RAB3D: variants seen among roughly 807,000 people sequenced by gnomAD.
RAB3D encodes the protein ras-related protein Rab-3D.
Under a neutral mutation model 19.3 loss-of-function variants are expected in RAB3D, and 17 were observed. The ratio of observed to expected loss-of-function variants is 0.88; its 90% CI spans 0.60 to 1.32. RAB3D has a LOEUF of 1.32. RAB3D is among the 40% of genes most tolerant of loss of function. The probability of loss-of-function intolerance (pLI) is 0.00; values close to 1 mark genes in which losing one functional copy is unlikely to be tolerated. For missense variants in RAB3D, 223 were observed against 299.1 expected (o/e 0.75, Z 1.88); for synonymous variants, 103 against 119.9 (o/e 0.86, Z 0.92).
In RAB3D at chr19:11,337,375, C is replaced by A. The variant is rs779396568; in HGVS notation, c.25G>T (p.Ala9Ser). MASAGDTQ[A>S]GPRDAADQNF... is the part of the protein sequence containing the mutation. ...TGATCTGCTGCATCCCGTGGGCCTG[C>A]CTGGGTGTCTCCAGCTGATGCCATC... is the stretch of plus-strand genomic sequence containing the variant. Residue 9 changes from alanine to serine, a missense_variant, in exon 2 of 5, where the codon GCA becomes TCA. Physicochemically the swap from Ala to Ser is moderately conservative, Grantham distance 99. Coordinates refer to ENST00000222120, the MANE Select transcript of RAB3D (RefSeq NM_004283.4). 270 of 1,613,934 alleles carry A rather than the reference C, an allele frequency of 1.7e-4. No homozygotes were observed. Among genetic ancestry groups the A allele is most frequent in the Non-Finnish European group, 2.2e-4 (254 of 1,179,930 alleles).
chr19:11,331,939 G>A (rs1039065944), intron 4 of RAB3D, among the ~76,000 whole-genome samples: 1 of 152,120 alleles, frequency 6.6e-6, no homozygotes, highest in Non-Finnish European at 1.5e-5. Context: ...GTATTTTGGG[G>A]GAATAGATGA....
At chr19:11,328,456 G>A (rs919049045) in intron 4 of RAB3D, among the ~76,000 whole-genome samples, 1 of 151,732 alleles carries the variant, frequency 6.6e-6, no homozygotes, top group Non-Finnish European at 1.5e-5. Flanking sequence ...TCGAGACCAG[G>A]GCCAATACGG....
rs1423344029 is a variant in RAB3D at position 11,335,651 on chromosome 19, C to G, written c.347+14G>C. 1 of 1,613,890 alleles carries G rather than the reference C, an allele frequency of 6.2e-7. No homozygotes were observed. Among genetic ancestry groups the G allele is most frequent in the Admixed American group, 1.7e-5 (1 of 60,018 alleles). On this transcript the variant is annotated intron_variant, in intron 3 of 4. Transcript: ENST00000222120. ...AGGGCAAAGATCAGGGGTCCATGAT[C>G]AGCAAGCACTCACCAGTCCTGCACA... is the stretch of plus-strand genomic sequence containing the variant.
At chr19:11,328,071 C>T (rs761612823) in intron 4 of RAB3D, among the ~76,000 whole-genome samples, 7 of 151,890 alleles carry the variant, frequency 4.6e-5, no homozygotes, top group Admixed American at 1.3e-4. Context: ...TGGTGGTTCA[C>T]GCCTGTAATA....
Position 11,325,458 on chromosome 19 carries a change from G to A in RAB3D, c.600C>T (p.Asn200=), listed in dbSNP as rs749490015. 2.8e-5 allele frequency: 45 copies of A among 1,611,448 alleles called. No homozygotes were observed. The highest frequency in any genetic ancestry group is 1.8e-4 in the Middle Eastern group (1 of 5,710). The part of the protein sequence containing the change: ...SLEPSSSSGS[N]GKGPAVGDAP... ...CATCCCCCACGGCCGGGCCTTTCCC[G>A]TTGCTGCCTGAGCTGGAGCTGGGTT... is the stretch of plus-strand genomic sequence containing the variant. The change falls in exon 5 of 5, where the codon AAC becomes AAT. Residue 200 remains asparagine (N), a synonymous_variant. Transcript: ENST00000222120.
Position 11,337,847 on chromosome 19 carries a change from T to A in RAB3D, c.-61-387A>T, listed in dbSNP as rs188685913. On this transcript the variant is annotated intron_variant, in intron 1 of 4. Transcript: ENST00000222120. ...CCACATCAGGCTAATTTAAAAAAAA[T>A]TTTTTTGTAGAGATGGGGTCTCATT... Among the ~76,000 whole-genome samples the A allele has an allele frequency of 2.4e-3, 367 of 151,958 alleles. 1 individual carries two copies. The highest frequency in any genetic ancestry group is 6.5e-3 in the African/African-American group (268 of 41,428).
chr19:11,330,642 C>T (rs958749548), intron 4 of RAB3D, among the ~76,000 whole-genome samples: 33 of 152,148 alleles, frequency 2.2e-4, no homozygotes, highest in African/African-American at 7.7e-4. Context: ...CTCTGCCTCC[C>T]AGGTTCAAGC....
chr19:11,328,252 T>C (rs1460705146), intron 4 of RAB3D, among the ~76,000 whole-genome samples: 1 of 148,504 alleles, frequency 6.7e-6, no homozygotes, highest in East Asian at 2.0e-4. Context: ...GAGGATCACT[T>C]GAACCTGGGA....
chr19:11,327,917 A>G (rs139748136), intron 4 of RAB3D, among the ~76,000 whole-genome samples: 8 of 152,260 alleles, frequency 5.3e-5, no homozygotes, highest in Non-Finnish European at 1.0e-4. Context: ...ACTAGAAACT[A>G]CAGAAAAGTA....
rs569223221 is a variant in RAB3D, at chr19:11,325,561, G to C, written c.497C>G (p.Ala166Gly). 8 of 1,612,324 alleles carry C rather than the reference G, an allele frequency of 5.0e-6. No homozygotes were observed. In the South Asian group the frequency reaches 7.7e-5, roughly 15 times the overall value. The change falls in exon 5 of 5, where the codon GCC becomes GGC. Residue 166 changes from alanine to glycine, a missense_variant. By Grantham distance (60) the Ala-to-Gly change is moderately conservative. Coordinates refer to ENST00000222120, the MANE Select transcript of RAB3D (RefSeq NM_004283.4). ...CTGCTTCACATTGATGTTCTCCTTGGCACTGGCTTCAAAGAACTCGAAACC... is the reference window on the plus strand; with the variant it reads ...CTGCTTCACATTGATGTTCTCCTTGCCACTGGCTTCAAAGAACTCGAAACC... ...DLGFEFFEAS[A>G]KENINVKQVF...
Position 11,325,594 on chromosome 19 carries a change from A to G in RAB3D, c.473-9T>C. The G allele has an allele frequency of 6.3e-7, 1 of 1,586,738 alleles. No individual in the cohort carries two copies. The highest frequency in any genetic ancestry group is 8.5e-7 in the Non-Finnish European group (1 of 1,171,148). Reference sequence around the variant, plus strand: ...TTCAAAGAACTCGAAACCTGGATGAATGTTAAGGTGGGGACACTCGTAAGA... The same window carrying G: ...TTCAAAGAACTCGAAACCTGGATGAGTGTTAAGGTGGGGACACTCGTAAGA... On this transcript the variant is annotated splice_polypyrimidine_tract_variant and intron_variant, in intron 4 of 4. Transcript: ENST00000222120.
At position 11,332,937 on chromosome 19, in the gene RAB3D, C is replaced by A. The variant is rs1252046986; in HGVS notation, c.472+2510G>T. Among the ~76,000 whole-genome samples, 4 of 152,064 alleles carry A rather than the reference C, an allele frequency of 2.6e-5. No individual in the cohort carries two copies. The East Asian group carries it at 7.7e-4, about 29-fold the overall frequency. On this transcript the variant is annotated intron_variant, in intron 4 of 4. Transcript: ENST00000222120. ...AAAGAAATATATGTAAAAATGACTG[C>A]TGCAGCTGCATTTGTCAGAGGAAAA...
Position 11,337,331 on chromosome 19 carries a change from G to A in RAB3D, c.69C>T (p.Phe23=), listed in dbSNP as rs1283374428. 1 of 1,614,194 alleles carries A rather than the reference G, an allele frequency of 6.2e-7. No homozygotes were observed. The highest frequency in any genetic ancestry group is 1.7e-5 in the Admixed American group (1 of 59,996). Residue 23 remains phenylalanine, a synonymous_variant, in exon 2 of 5, where the codon TTC becomes TTT. Coordinates refer to ENST00000222120, the MANE Select transcript of RAB3D (RefSeq NM_004283.4). The part of the protein sequence containing the change: ...DAADQNFDYM[F]KLLLIGNSSV... ...TGCTGTTGCCTATCAGTAGCAGTTT[G>A]AACATATAGTCGAAGTTCTGATCTG...
chr19:11,329,774 C>T (rs1235537478), intron 4 of RAB3D, among the ~76,000 whole-genome samples: 3 of 151,912 alleles, frequency 2.0e-5, no homozygotes, highest in African/African-American at 2.4e-5. Flanking sequence ...CTCCGCCTCC[C>T]GGGTTCAAAT....
At chr19:11,336,586 G>A (rs1479289821) in intron 2 of RAB3D, among the ~76,000 whole-genome samples, 1 of 151,992 alleles carries the variant, frequency 6.6e-6, no homozygotes, top group Non-Finnish European at 1.5e-5. Context: ...TGGGATTACA[G>A]GCATAAGCCA....
In RAB3D at chr19:11,335,645, C is replaced by T. The variant is rs752540072; in HGVS notation, c.347+20G>A. On this transcript the variant is annotated intron_variant, in intron 3 of 4. Coordinates refer to ENST00000222120, the MANE Select transcript of RAB3D (RefSeq NM_004283.4). ...GAGGAGAGGGCAAAGATCAGGGGTC[C>T]ATGATCAGCAAGCACTCACCAGTCC... The T allele has an allele frequency of 1.9e-6, 3 of 1,613,776 alleles. No individual in the cohort carries two copies. Among genetic ancestry groups the T allele is most frequent in the East Asian group, 2.2e-5 (1 of 44,880 alleles).
At chr19:11,326,413 A>G (rs1269262751) in intron 4 of RAB3D, among the ~76,000 whole-genome samples, 1 of 152,126 alleles carries the variant, frequency 6.6e-6, no homozygotes, top group Non-Finnish European at 1.5e-5. Context: ...CTGCGGCTGC[A>G]GCCATGGTCT....
At chr19:11,337,670 T>C (rs1003982357) in intron 1 of RAB3D, among the ~76,000 whole-genome samples, 14 of 150,982 alleles carry the variant, frequency 9.3e-5, no homozygotes, top group African/African-American at 3.4e-4. Context: ...TTTCTTTCTT[T>C]CTTTTTTTTT....
rs554609396 is a variant in RAB3D, at chr19:11,322,943, C to G, written c.*2455G>C. On this transcript the variant is annotated 3_prime_UTR_variant, in exon 5 of 5. Coordinates refer to ENST00000222120, the MANE Select transcript of RAB3D (RefSeq NM_004283.4). ...AGCCTGGCCAACAAGGTGAAACCGT[C>G]GCTACTAAAAATGCAAAACTTAGAT... 6.6e-6 allele frequency: 1 copy of G among 152,078 alleles called. No homozygotes were observed. The highest frequency in any genetic ancestry group is 1.5e-5 in the Non-Finnish European group (1 of 68,016). 9.4% of individuals were successfully genotyped at this position (152,078 alleles called of 1,614,324 possible).
Sources: gnomAD v4.1 joint callset for allele counts (sites outside exome capture counted in the v4.1 genomes callset) on GRCh38, gnomAD v4.1.1 for gene constraint, MANE v1.5 for transcripts, NCBI Gene and HGNC (gene_info 2026-07-23, HGNC 2026-07-21) for gene names.